Variants in TTC13 observed in about 807,000 individuals in gnomAD.
The protein encoded by TTC13 is tetratricopeptide repeat protein 13.
In TTC13, 62 loss-of-function variants were observed where a neutral mutation model predicts 120.0. The observed-to-expected ratio is 0.52, with a 90% CI of 0.42 to 0.64. The LOEUF (loss-of-function observed/expected upper bound fraction) is 0.64. Ranked by LOEUF, TTC13 falls within the 30% of genes least tolerant of loss-of-function variation. The probability of loss-of-function intolerance (pLI) is 0.00; values close to 1 mark genes in which losing one functional copy is unlikely to be tolerated. For synonymous variants in TTC13, 384 were observed against 393.5 expected (o/e 0.98, Z 0.28); for missense variants, 824 against 1,050.2 (o/e 0.78, Z 2.98).
Position 230,958,306 on chromosome 1 carries a change from A to T in TTC13, c.367-7T>A. 1.4e-6 allele frequency: 1 copy of T among 734,264 alleles called. No homozygotes were observed. The highest frequency in any genetic ancestry group is 1.8e-6 in the Non-Finnish European group (1 of 557,074). The allele number at this position is 734,264 out of a possible 1,614,324, so 45.5% of individuals were successfully genotyped here. On this transcript the variant is annotated splice_region_variant and splice_polypyrimidine_tract_variant and intron_variant, in intron 2 of 22. Coordinates refer to ENST00000366661, the MANE Select transcript of TTC13 (RefSeq NM_024525.5). The stretch of plus-strand genomic sequence containing the variant: ...CAATAGACTTGGCCTGGCTCTGGGA[A>T]AAAAAAAAAAAAAACCCATACATTT...
In TTC13 at chr1:230,916,267, C is replaced by G; in HGVS notation, c.2019G>C (p.Val673=). ...CTTTAAGGCTGGGAACTTTTGTGTT[C>G]ACGGTGAACCCATCCTTCGTTTTAG... is the stretch of plus-strand genomic sequence containing the variant. The part of the protein sequence containing the change: ...FNTKTKDGFT[V]NTKVPSLKDQ... The change falls in exon 18 of 23, where the codon GTG becomes GTC. Residue 673 remains valine, a synonymous_variant. Coordinates refer to ENST00000366661, the MANE Select transcript of TTC13 (RefSeq NM_024525.5). 6.2e-7 allele frequency: 1 copy of G among 1,614,144 alleles called. No homozygotes were observed. Among genetic ancestry groups the G allele is most frequent in the Non-Finnish European group, 8.5e-7 (1 of 1,179,980 alleles).
chr1:230,954,545 T>C lies in TTC13; in HGVS notation c.443-142A>G, dbSNP rs1675878553. 5 of 575,894 alleles carry C rather than the reference T, an allele frequency of 8.7e-6. No individual in the cohort carries two copies. The South Asian group carries it at 1.4e-4, about 16-fold the overall frequency. 35.7% of individuals were successfully genotyped at this position (575,894 alleles called of 1,614,324 possible). ...AGAAAACCTAGAAGTTAATAAGGTG[T>C]CACTGAATTCTTCTACTTTCACCAC... On this transcript the variant is annotated intron_variant, in intron 3 of 22. Transcript: ENST00000366661.
In TTC13 at chr1:230,912,822, G is replaced by GT. The variant is rs568533589; in HGVS notation, c.2094-65dup. On this transcript the variant is annotated intron_variant, in intron 18 of 22. Coordinates refer to ENST00000366661, the MANE Select transcript of TTC13 (RefSeq NM_024525.5). ...AAGTTCAAACAGCCAAACACAGAAA[G>GT]TTTTTTTTAAAAAGCAAATAGCATA... is the stretch of plus-strand genomic sequence containing the variant. 344 of 1,513,366 alleles carry GT rather than the reference G, an allele frequency of 2.3e-4. 1 individual carries two copies. The East Asian group carries it at 6.4e-3, about 28-fold the overall frequency. 93.7% of individuals were successfully genotyped at this position (1,513,366 alleles called of 1,614,324 possible). A position where few individuals can be genotyped will look rare whatever the true frequency, so the allele number is the denominator to read the frequency against.
intron 20 of TTC13, among the ~76,000 whole-genome samples, chr1:230,910,744 T>G (rs1048866964): frequency 6.6e-6 from 1 of 152,240 alleles, no homozygotes; most frequent in Admixed American, 6.5e-5. Context: ...TAAGACAACA[T>G]TTATGTTTCT....
intron 10 of TTC13, 102 bp downstream of exon 10, chr1:230,931,634 G>T: frequency 1.3e-6 from 2 of 1,491,340 alleles, no homozygotes; most frequent in South Asian, 1.3e-5. Flanking sequence ...TGTTGGAGTA[G>T]AAACACTATT....
intron 1 of TTC13, among the ~76,000 whole-genome samples, chr1:230,968,753 GGAA>G (rs1278238061): frequency 1.3e-5 from 2 of 152,130 alleles, no homozygotes; most frequent in Non-Finnish European, 2.9e-5. Context: ...GTGCAATGAG[GGAA>G]GAAGTGGTGC....
At chr1:230,945,537 G>T in intron 4 of TTC13, 83 bp from the exon 5 acceptor site, 1 of 1,246,932 alleles carries the variant, frequency 8.0e-7, no homozygotes, top group African/African-American at 1.5e-5. Flanking sequence ...GCACGTTAAT[G>T]CCGCAAGTGA....
intron 8 of TTC13, chr1:230,936,032 A>C (rs1314748815): frequency 5.4e-6 from 2 of 370,222 alleles, no homozygotes; most frequent in Admixed American, 7.0e-5. Context: ...GTACAGGAGA[A>C]AGGGCAGCTG....
chr1:230,924,115 A>T (rs895014652), intron 14 of TTC13, among the ~76,000 whole-genome samples, 182 bp from the exon 15 acceptor site: 1 of 152,246 alleles, frequency 6.6e-6, no homozygotes, highest in Non-Finnish European at 1.5e-5. Flanking sequence ...AGCCAGGTAA[A>T]GGTAAAGGTT....
chr1:230,932,319 A>C (rs1158920663), intron 9 of TTC13, among the ~76,000 whole-genome samples: 1 of 151,844 alleles, frequency 6.6e-6, no homozygotes, highest in African/African-American at 2.4e-5. Flanking sequence ...TTGGTCACCA[A>C]AGTTGCTTTG....
chr1:230,970,083 G>A (rs1677569140), intron 1 of TTC13, among the ~76,000 whole-genome samples: 1 of 152,192 alleles, frequency 6.6e-6, no homozygotes, highest in Admixed American at 6.5e-5. Context: ...ACAAAACAAA[G>A]ACATAGCACA....
chr1:230,974,001 T>C (rs553459533), intron 1 of TTC13, among the ~76,000 whole-genome samples: 2 of 148,890 alleles, frequency 1.3e-5, no homozygotes, highest in South Asian at 4.3e-4. Context: ...CACTTGAACC[T>C]GGGAGGCAGA....
intron 4 of TTC13, among the ~76,000 whole-genome samples, chr1:230,950,822 A>G (rs775341843): frequency 2.5e-4 from 38 of 152,234 alleles, no homozygotes; most frequent in Non-Finnish European, 4.3e-4. Flanking sequence ...TTGTTGAAGC[A>G]TTTATGTTAA....
At chr1:230,924,152 G>T (rs1399670991) in intron 14 of TTC13, among the ~76,000 whole-genome samples, 2 of 152,184 alleles carry the variant, frequency 1.3e-5, no homozygotes, top group East Asian at 1.9e-4. Context: ...TTTTTGTCAC[G>T]CAAATGAATA....
intron 17 of TTC13, among the ~76,000 whole-genome samples, chr1:230,917,488 T>C (rs1337618878): frequency 1.3e-5 from 2 of 152,216 alleles, no homozygotes; most frequent in East Asian, 1.9e-4. Flanking sequence ...TCAGTGGAAG[T>C]TGACCTGGTA....
In TTC13 at chr1:230,978,607, C is replaced by A; in HGVS notation, c.224G>T (p.Ser75Ile). ...QEAPAGGGGC[S>I]PQSGDWGDQY... ...GTCCCCCCAGTCCCCGGACTGCGGG[C>A]TGCAGCCGCCGCCGCCCGCCGGGGC... Residue 75 changes from serine to isoleucine, a missense_variant, in exon 1 of 23, where the codon AGC becomes ATC. Transcript: ENST00000366661. The surrounding 1 kb of genome is among the most constrained non-coding windows in gnomAD (Gnocchi z 5.6). 6.9e-7 allele frequency: 1 copy of A among 1,442,810 alleles called. No individual in the cohort carries two copies. The highest frequency in any genetic ancestry group is 9.1e-7 in the Non-Finnish European group (1 of 1,095,390). The allele number at this position is 1,442,810 out of a possible 1,614,324, so 89.4% of individuals were successfully genotyped here. A position where few individuals can be genotyped will look rare whatever the true frequency, so the allele number is the denominator to read the frequency against.
intron 1 of TTC13, among the ~76,000 whole-genome samples, chr1:230,967,088 G>T (rs569080612): frequency 6.6e-6 from 1 of 152,080 alleles, no homozygotes; most frequent in South Asian, 2.1e-4. Context: ...CCCTATTAAT[G>T]TCTCCATTTA....
intron 8 of TTC13, among the ~76,000 whole-genome samples, chr1:230,935,231 T>C (rs899843393): frequency 6.6e-6 from 1 of 152,198 alleles, no homozygotes; most frequent in Non-Finnish European, 1.5e-5. Flanking sequence ...GAGCGCCTAC[T>C]ATGTGCCAGA....
intron 14 of TTC13, among the ~76,000 whole-genome samples, 189 bp from the exon 15 acceptor site, chr1:230,924,122 G>A (rs1672834382): frequency 6.6e-6 from 1 of 152,222 alleles, no homozygotes; most frequent in South Asian, 2.1e-4. Context: ...TAAAGGTAAA[G>A]GTTTAGGAGC....
Sources: allele counts gnomAD v4.1 joint callset (sites outside exome capture counted in the v4.1 genomes callset), GRCh38; gene constraint gnomAD v4.1.1; non-coding constraint Gnocchi (gnomAD v3.1); transcripts MANE v1.5; gene names NCBI Gene and HGNC (gene_info 2026-07-23, HGNC 2026-07-21).